KLHL1: variants seen among roughly 807,000 people sequenced by gnomAD.
KLHL1 encodes the protein kelch-like protein 1.
Under a neutral mutation model 77.7 loss-of-function variants are expected in KLHL1, and 47 were observed. That is an observed-to-expected ratio of 0.60 (90% CI 0.48 to 0.77). KLHL1 has a LOEUF of 0.77. Ranked by LOEUF, KLHL1 falls within the 30% of genes least tolerant of loss-of-function variation. KLHL1 has a pLI of 0.00. For synonymous variants in KLHL1, 360 were observed against 325.2 expected (o/e 1.11, Z -1.15); for missense variants, 925 against 910.8 (o/e 1.02, Z -0.20).
In KLHL1 at chr13:69,828,834, C is replaced by T. The variant is rs567877259; in HGVS notation, c.1414+10142G>A. On this transcript the variant is annotated intron_variant, in intron 6 of 10. Coordinates refer to ENST00000377844, the MANE Select transcript of KLHL1 (RefSeq NM_020866.3). ...ATGACGCAGCAGAAGCAGCCATAATCCCCCTGGGAAAGTAACTCCATTGGC... is the reference window on the plus strand; with the variant it reads ...ATGACGCAGCAGAAGCAGCCATAATTCCCCTGGGAAAGTAACTCCATTGGC... Among the ~76,000 whole-genome samples, 87 of 150,010 alleles carry T rather than the reference C, an allele frequency of 5.8e-4. 8 individuals are homozygous for T. The highest frequency in any genetic ancestry group is 2.0e-3 in the African/African-American group (79 of 39,978).
chr13:69,969,966 G>A (rs950937071), intron 2 of KLHL1, among the ~76,000 whole-genome samples: 1 of 152,032 alleles, frequency 6.6e-6, no homozygotes, highest in African/African-American at 2.4e-5. Flanking sequence ...ATTTATTATG[G>A]TGTTTGATAT....
chr13:70,086,163 A>G (rs1887531634), intron 1 of KLHL1, among the ~76,000 whole-genome samples: 1 of 152,124 alleles, frequency 6.6e-6, no homozygotes. Context: ...TAGAGGGTAG[A>G]AAGAACAACA....
At chr13:70,057,782 C>CAAAAAAAAAAAAA (rs60920874) in intron 1 of KLHL1, among the ~76,000 whole-genome samples, 9 of 62,180 alleles carry the variant, frequency 1.4e-4, no homozygotes, top group African/African-American at 4.1e-4. Context: ...GACTCCGTCT[C>CAAAAAAAAAAAAA]AAAAAAAAAA....
At chr13:69,858,436 G>A (rs1880007611) in intron 5 of KLHL1, among the ~76,000 whole-genome samples, 1 of 152,028 alleles carries the variant, frequency 6.6e-6, no homozygotes. Context: ...ATGCAAGCTT[G>A]AAAACAAGAT....
chr13:69,885,229 C>T (rs1429957341), intron 4 of KLHL1, among the ~76,000 whole-genome samples: 1 of 151,940 alleles, frequency 6.6e-6, no homozygotes, highest in Non-Finnish European at 1.5e-5. Context: ...CGTGAGCCAC[C>T]GCGCCCGGCC....
At position 70,095,803 on chromosome 13, in the gene KLHL1, A is replaced by G. The variant is rs117264430; in HGVS notation, c.497+11400T>C. 4.0e-3 allele frequency among the ~76,000 whole-genome samples: 602 copies of G among 151,930 alleles called. 2 individuals are homozygous for G. The highest frequency in any genetic ancestry group is 6.8e-3 in the Middle Eastern group (2 of 294). On this transcript the variant is annotated intron_variant, in intron 1 of 10. Transcript: ENST00000377844. ...TCCTTCTATCTAACTGTATTTTTGTATTGAATAACTGTCCCTTCTCCCTCC... is the reference window on the plus strand; with the variant it reads ...TCCTTCTATCTAACTGTATTTTTGTGTTGAATAACTGTCCCTTCTCCCTCC...
intron 7 of KLHL1, among the ~76,000 whole-genome samples, chr13:69,766,528 T>C (rs916528131): frequency 3.9e-4 from 59 of 151,420 alleles, no homozygotes; most frequent in Admixed American, 2.4e-3. Context: ...TATAACTAAA[T>C]GAGCAAAAAA....
intron 2 of KLHL1, among the ~76,000 whole-genome samples, chr13:69,964,916 T>C (rs9542136): frequency 0.62 from 93,795 of 151,738 alleles, 29,075 homozygotes; most frequent in South Asian, 0.65. Flanking sequence ...CTGCATTTTC[T>C]GTCTACAGTA....
chr13:69,892,311 G>C (rs894830668), intron 4 of KLHL1, among the ~76,000 whole-genome samples: 2 of 152,124 alleles, frequency 1.3e-5, no homozygotes, highest in African/African-American at 4.8e-5. Context: ...CCTATGTGTT[G>C]AGGTCTGTTT....
chr13:69,842,321 T>C (rs1358415131), intron 5 of KLHL1, among the ~76,000 whole-genome samples: 2 of 151,668 alleles, frequency 1.3e-5, no homozygotes, highest in Non-Finnish European at 3.0e-5. Context: ...ACGCAGAATG[T>C]ACAGGAAACA....
At chr13:69,785,394 C>A (rs914197538) in intron 7 of KLHL1, among the ~76,000 whole-genome samples, 1 of 152,160 alleles carries the variant, frequency 6.6e-6, no homozygotes, top group African/African-American at 2.4e-5. Context: ...ACAACCTGCT[C>A]CTCAATGACT....
intron 1 of KLHL1, among the ~76,000 whole-genome samples, chr13:69,982,436 C>T (rs1035662114): frequency 4.2e-5 from 4 of 94,902 alleles, no homozygotes; most frequent in East Asian, 2.9e-4. Context: ...ACTCCATCTC[C>T]AAATAATAAT....
chr13:69,719,562 G>A lies in KLHL1; in HGVS notation c.1822C>T (p.Arg608Cys). Residue 608 changes from arginine to cysteine, a missense_variant, in exon 9 of 11, where the codon CGT (arginine) becomes TGT (cysteine). By Grantham distance (180) the Arg-to-Cys change is radical. Transcript: ENST00000377844. The part of the protein sequence containing the change: ...LNGKLYSVGG[R>C]DGSSCLSSME... Reference sequence around the variant, plus strand: ...GAACTCAAACAGGAACTTCCATCACGACCTCCAACTGAATACAACCTAAAA... The same window carrying A: ...GAACTCAAACAGGAACTTCCATCACAACCTCCAACTGAATACAACCTAAAA... The A allele has an allele frequency of 1.2e-6, 2 of 1,611,916 alleles. No homozygotes were observed. Among genetic ancestry groups the A allele is most frequent in the Non-Finnish European group, 1.7e-6 (2 of 1,179,046 alleles).
intron 4 of KLHL1, among the ~76,000 whole-genome samples, chr13:69,931,636 G>T (rs1347982668): frequency 6.6e-6 from 1 of 151,588 alleles, no homozygotes; most frequent in African/African-American, 2.4e-5. Flanking sequence ...TGACCTCTTT[G>T]TTGGCTCACT....
chr13:70,063,196 G>A (rs780444926), intron 1 of KLHL1, among the ~76,000 whole-genome samples: 25 of 152,172 alleles, frequency 1.6e-4, no homozygotes, highest in Admixed American at 1.3e-3. Context: ...AGTAGACTAT[G>A]CTAGGTGAGA....
chr13:69,835,370 G>T (rs1878944968), intron 6 of KLHL1, among the ~76,000 whole-genome samples: 1 of 152,250 alleles, frequency 6.6e-6, no homozygotes, highest in Middle Eastern at 3.4e-3. Context: ...TCAAATAGCT[G>T]AAGGAACAGT....
chr13:69,795,037 T>C (rs1038372776), intron 7 of KLHL1, among the ~76,000 whole-genome samples: 4 of 152,312 alleles, frequency 2.6e-5, no homozygotes, highest in Middle Eastern at 3.4e-3. Context: ...GTACGATACA[T>C]AATGCCGAAT....
chr13:70,096,478 C>T (rs1887791857), intron 1 of KLHL1, among the ~76,000 whole-genome samples: 1 of 151,990 alleles, frequency 6.6e-6, no homozygotes, highest in Non-Finnish European at 1.5e-5. Context: ...ACCTTTTGGC[C>T]ACTTGTATGT....
chr13:69,714,839 A>T (rs7323344), intron 9 of KLHL1, among the ~76,000 whole-genome samples: 2 of 151,672 alleles, frequency 1.3e-5, no homozygotes, highest in Admixed American at 6.6e-5. Flanking sequence ...AGCAATCCAC[A>T]GTTCTCAGCC....
Sources: gnomAD v4.1 joint callset for allele counts (sites outside exome capture counted in the v4.1 genomes callset) on GRCh38, gnomAD v4.1.1 for gene constraint, MANE v1.5 for transcripts, NCBI Gene and HGNC (gene_info 2026-07-23, HGNC 2026-07-21) for gene names.